The following AMD1 variants were observed in gnomAD, a reference collection of about 807,000 sequenced individuals.
The protein encoded by AMD1 is S-adenosylmethionine decarboxylase proenzyme.
A neutral mutation model predicts 40.2 loss-of-function variants in AMD1; 11 were observed. That is an observed-to-expected ratio of 0.27 (90% CI 0.17 to 0.45). The LOEUF (loss-of-function observed/expected upper bound fraction) is 0.45, where lower values mean the gene tolerates loss of function less well. Ranked by LOEUF, AMD1 falls within the 20% of genes least tolerant of loss-of-function variation. The pLI, the probability that AMD1 is intolerant of heterozygous loss-of-function variation, is 1.00. For missense variants in AMD1, 257 were observed against 410.2 expected (o/e 0.63, Z 3.23); for synonymous variants, 121 against 130.8 (o/e 0.93, Z 0.51).
intron 4 of AMD1, among the ~76,000 whole-genome samples, chr6:110,890,596 C>T (rs1477210985): frequency 1.3e-5 from 2 of 152,126 alleles, no homozygotes; most frequent in Non-Finnish European, 2.9e-5. Flanking sequence ...AGTGATCCTC[C>T]CACCTTAGCC....
At chr6:110,814,915 G>A in the AMD1 span, 26 of 1,545,978 alleles carry the variant, frequency 1.7e-5, no homozygotes, top group South Asian at 5.7e-5. Flanking sequence ...CGCCCCTCGG[G>A]CACGGCCCGA....
chr6:110,890,179 G>C (rs1467206063), intron 3 of AMD1, 75 bp from the exon 4 acceptor site: 1 of 1,132,306 alleles, frequency 8.8e-7, no homozygotes, highest in African/African-American at 1.6e-5. Flanking sequence ...GACAATAGTT[G>C]ATTAGCTTCG....
At chr6:110,829,492 A>T in the AMD1 span, among the ~76,000 whole-genome samples, 1 of 151,280 alleles carries the variant, frequency 6.6e-6, no homozygotes. Context: ...ATCCTGGCTA[A>T]CACATCTCTA....
At chr6:110,839,100 A>C in the AMD1 span, among the ~76,000 whole-genome samples, 1 of 152,228 alleles carries the variant, frequency 6.6e-6, no homozygotes, top group Non-Finnish European at 1.5e-5. Flanking sequence ...CTTTTTTTGT[A>C]TATCTCTAGT....
intron 1 of AMD1, among the ~76,000 whole-genome samples, chr6:110,883,999 A>G (rs1367375522): frequency 3.3e-5 from 5 of 152,224 alleles, no homozygotes. Context: ...GTAAACCTAT[A>G]AAGTTTTATA....
At chr6:110,845,826 A>C in the AMD1 span, among the ~76,000 whole-genome samples, 3 of 152,184 alleles carry the variant, frequency 2.0e-5, no homozygotes, top group African/African-American at 7.2e-5. Flanking sequence ...CTCCTTAATA[A>C]ACTCCTATTC....
chr6:110,814,826 G>C, the AMD1 span: 8 of 792,004 alleles, frequency 1.0e-5, no homozygotes, highest in Non-Finnish European at 1.6e-5. Context: ...GTACGCGACG[G>C]GGCCGCGCGG....
chr6:110,850,040 A>G, the AMD1 span, among the ~76,000 whole-genome samples: 2 of 151,862 alleles, frequency 1.3e-5, no homozygotes, highest in African/African-American at 4.8e-5. Flanking sequence ...AAAAAGAATA[A>G]GAAAATGACA....
Position 110,894,019 on chromosome 6 carries a change from C to T in AMD1, c.*403C>T, listed in dbSNP as rs554574836. On this transcript the variant is annotated 3_prime_UTR_variant, in exon 9 of 9. Coordinates refer to ENST00000368885, the MANE Select transcript of AMD1 (RefSeq NM_001634.6). ...TCATTAGGTGTTGGCCTCAGCCTAA[C>T]CCTCTAGGACTGTTCTATTAAATTG... 5.3e-4 allele frequency: 86 copies of T among 161,656 alleles called. 1 individual carries two copies. The highest frequency in any genetic ancestry group is 2.0e-3 in the African/African-American group (83 of 41,834). The allele number at this position is 161,656 out of a possible 1,614,324, so 10.0% of individuals were successfully genotyped here.
intron 1 of AMD1, among the ~76,000 whole-genome samples, chr6:110,885,436 T>C (rs1785628550): frequency 1.3e-5 from 2 of 151,474 alleles, no homozygotes; most frequent in Non-Finnish European, 2.9e-5. Context: ...TTTTGTTTTG[T>C]TTGTTTGTTT....
In AMD1 at chr6:110,892,537, G is replaced by A. The variant is rs775462142; in HGVS notation, c.615+94G>A. 15 of 1,540,922 alleles carry A rather than the reference G, an allele frequency of 9.7e-6. No individual in the cohort carries two copies. In the East Asian group the frequency reaches 3.4e-4, roughly 35 times the overall value. On this transcript the variant is annotated intron_variant, in intron 6 of 8. Transcript: ENST00000368885. ...GTAACTTTTAAGTTCAGGGTAACAAGTGCTAGTTTGTTACATAGGTAAACT... is the reference window on the plus strand; with the variant it reads ...GTAACTTTTAAGTTCAGGGTAACAAATGCTAGTTTGTTACATAGGTAAACT...
chr6:110,814,932 T>G, the AMD1 span: 11 of 1,583,136 alleles, frequency 6.9e-6, no homozygotes, highest in Admixed American at 1.7e-4. Context: ...CCGACTGGGA[T>G]CCGACCCACC....
the AMD1 span, among the ~76,000 whole-genome samples, chr6:110,823,505 T>G: frequency 1.3e-3 from 197 of 152,264 alleles, 1 homozygote; most frequent in Non-Finnish European, 2.9e-4. Context: ...GATAAATGAA[T>G]TCAGTGAAGT....
chr6:110,891,534 C>T (rs1296913275), intron 4 of AMD1: 3 of 153,390 alleles, frequency 2.0e-5, no homozygotes, highest in African/African-American at 7.2e-5. Context: ...TGATAACATC[C>T]TTACTTCCTA....
the AMD1 span, chr6:110,815,255 G>A: frequency 8.7e-7 from 1 of 1,154,286 alleles, no homozygotes; most frequent in Non-Finnish European, 1.1e-6. Context: ...GCGCGCGCGC[G>A]CGCCGCCCGC....
chr6:110,893,139 A>AAG (rs1321163712), intron 8 of AMD1, 74 bp downstream of exon 8: 1 of 1,336,016 alleles, frequency 7.5e-7, no homozygotes, highest in African/African-American at 1.5e-5. Context: ...AGTGAGGCCT[A>AAG]AGATGTATTC....
chr6:110,855,128 G>T, the AMD1 span, among the ~76,000 whole-genome samples: 26 of 115,288 alleles, frequency 2.3e-4, no homozygotes, highest in African/African-American at 7.9e-4. Context: ...TCCTGGCCTT[G>T]TTGGATCCTC....
At chr6:110,862,335 T>G in the AMD1 span, among the ~76,000 whole-genome samples, 7 of 151,468 alleles carry the variant, frequency 4.6e-5, no homozygotes, top group Admixed American at 2.0e-4. Flanking sequence ...GTTCTGTTTT[T>G]TTTTTTTTTT....
chr6:110,821,651 T>A, the AMD1 span, among the ~76,000 whole-genome samples: 1 of 151,896 alleles, frequency 6.6e-6, no homozygotes, highest in African/African-American at 2.4e-5. Context: ...AAATCTGCAA[T>A]AAAAGAAAAA....
Sources: gnomAD v4.1 joint callset for allele counts (sites outside exome capture counted in the v4.1 genomes callset) on GRCh38, gnomAD v4.1.1 for gene constraint, MANE v1.5 for transcripts, NCBI Gene and HGNC (gene_info 2026-07-23, HGNC 2026-07-21) for gene names.